ERBB4: variants seen among roughly 807,000 people sequenced by gnomAD.
ERBB4 encodes erb-b2 receptor tyrosine kinase 4, also known as receptor tyrosine-protein kinase erbB-4.
ERBB4 carries 42 observed loss-of-function variants against 158.0 expected under a neutral mutation model. That is an observed-to-expected ratio of 0.27 (90% CI 0.21 to 0.34). The LOEUF (loss-of-function observed/expected upper bound fraction) is 0.34, where lower values mean the gene tolerates loss of function less well. Among genes scored for constraint, ERBB4 ranks in the 10% least tolerant of loss-of-function variants. The pLI, the probability that ERBB4 is intolerant of heterozygous loss-of-function variation, is 1.00. For synonymous variants in ERBB4, 583 were observed against 558.7 expected (o/e 1.04, Z -0.61); for missense variants, 1,333 against 1,624.1 (o/e 0.82, Z 3.08).
rs187952092 is a variant in ERBB4, at chr2:211,814,571, A to G, written c.422-26412T>C. 1.2e-3 allele frequency among the ~76,000 whole-genome samples: 186 copies of G among 152,258 alleles called. 1 individual carries two copies. The highest frequency in any genetic ancestry group is 2.0e-3 in the Non-Finnish European group (134 of 68,000). On this transcript the variant is annotated intron_variant, in intron 3 of 27. Coordinates refer to ENST00000342788, the MANE Select transcript of ERBB4 (RefSeq NM_005235.3). ...CAGGGCCCAAATTACAGTCTTATTA[A>G]GGAACCTATTTAAACCAATAGAAAG...
intron 20 of ERBB4, among the ~76,000 whole-genome samples, chr2:211,461,506 T>TG (rs1349710811): frequency 2.0e-5 from 3 of 152,150 alleles, no homozygotes; most frequent in African/African-American, 7.2e-5. Flanking sequence ...GCAGAAGGGT[T>TG]GTTCCTTTTG....
chr2:212,466,328 G>T (rs1332896816), intron 1 of ERBB4, among the ~76,000 whole-genome samples: 5 of 152,092 alleles, frequency 3.3e-5, no homozygotes, highest in African/African-American at 1.2e-4. Context: ...AATATATGAA[G>T]GACCAACTTT....
intron 20 of ERBB4, among the ~76,000 whole-genome samples, chr2:211,485,699 C>T (rs1007544420): frequency 7.2e-6 from 1 of 139,332 alleles, no homozygotes; most frequent in Non-Finnish European, 1.5e-5. Flanking sequence ...TGTCGCACCC[C>T]AAACTCAGTG....
chr2:212,049,636 A>G (rs1383915638), intron 2 of ERBB4, among the ~76,000 whole-genome samples: 2 of 152,218 alleles, frequency 1.3e-5, no homozygotes, highest in African/African-American at 4.8e-5. Flanking sequence ...TTTAAATAAA[A>G]AGACACAATT....
Position 211,379,668 on chromosome 2 carries a change from T to C in ERBB4, c.*3947A>G, listed in dbSNP as rs1359195748. On this transcript the variant is annotated 3_prime_UTR_variant, in exon 28 of 28. Coordinates refer to ENST00000342788, the MANE Select transcript of ERBB4 (RefSeq NM_005235.3). ...ATAACCTAACTAAATCTACATCTTA[T>C]AGCATTATCGTGGTTCTGTCCAGTT... is the stretch of plus-strand genomic sequence containing the variant. 4.3e-6 allele frequency: 1 copy of C among 231,666 alleles called. No individual in the cohort carries two copies. The highest frequency in any genetic ancestry group is 8.5e-6 in the Non-Finnish European group (1 of 117,166). The allele number at this position is 231,666 out of a possible 1,614,324, so 14.4% of individuals were successfully genotyped here. A position where few individuals can be genotyped will look rare whatever the true frequency, so the allele number is the denominator to read the frequency against.
chr2:211,683,384 T>G (rs2072434475), intron 12 of ERBB4, among the ~76,000 whole-genome samples: 1 of 152,136 alleles, frequency 6.6e-6, no homozygotes, highest in African/African-American at 2.4e-5. Context: ...TAATCTCTTC[T>G]CCATTACTAT....
intron 18 of ERBB4, 31 bp downstream of exon 18, chr2:211,623,891 T>C: frequency 6.2e-7 from 1 of 1,612,154 alleles, no homozygotes; most frequent in East Asian, 2.2e-5. Flanking sequence ...AAACAAAACT[T>C]AACTAACGAT....
At chr2:211,400,171 C>CT (rs974087041) in intron 25 of ERBB4, among the ~76,000 whole-genome samples, 1 of 152,070 alleles carries the variant, frequency 6.6e-6, no homozygotes, top group Non-Finnish European at 1.5e-5. Flanking sequence ...AAAGTGTTCT[C>CT]TAAGCTTAGG....
At chr2:212,342,183 A>C (rs2088753796) in intron 1 of ERBB4, among the ~76,000 whole-genome samples, 1 of 152,166 alleles carries the variant, frequency 6.6e-6, no homozygotes, top group Non-Finnish European at 1.5e-5. Context: ...GCTTATATTA[A>C]AGAATTAAGA....
At chr2:211,712,323 T>C (rs553426291) in intron 8 of ERBB4, 147 bp from the exon 9 acceptor site, 1 of 802,726 alleles carries the variant, frequency 1.2e-6, no homozygotes, top group South Asian at 1.8e-5. Flanking sequence ...AGTAAAATAA[T>C]TATTCATTCG....
At chr2:211,776,689 GT>G (rs2075884603) in intron 4 of ERBB4, among the ~76,000 whole-genome samples, 1 of 152,186 alleles carries the variant, frequency 6.6e-6, no homozygotes, top group Admixed American at 6.5e-5. Flanking sequence ...ACAAATGGTT[GT>G]TTACAGTTCT....
intron 3 of ERBB4, among the ~76,000 whole-genome samples, chr2:211,896,397 T>C (rs1452338796): frequency 6.6e-6 from 1 of 152,174 alleles, no homozygotes. Context: ...CATTCATACT[T>C]AGTCCATCAT....
chr2:212,528,723 C>A (rs1171894392), intron 1 of ERBB4, among the ~76,000 whole-genome samples: 2 of 152,130 alleles, frequency 1.3e-5, no homozygotes, highest in Non-Finnish European at 2.9e-5. Flanking sequence ...TCTAGAAGTG[C>A]ATTTTCCCTG....
chr2:212,252,604 T>C (rs2106054236), intron 1 of ERBB4, among the ~76,000 whole-genome samples: 1 of 152,168 alleles, frequency 6.6e-6, no homozygotes, highest in East Asian at 1.9e-4. Context: ...ACTTGTTTTT[T>C]CTTGGAAAGG....
At chr2:212,187,780 T>C (rs2082058788) in intron 1 of ERBB4, among the ~76,000 whole-genome samples, 1 of 152,102 alleles carries the variant, frequency 6.6e-6, no homozygotes, top group Admixed American at 6.6e-5. Flanking sequence ...GAAATAATGA[T>C]GCAAAATCAG....
At chr2:211,906,005 G>T (rs886105031) in intron 3 of ERBB4, among the ~76,000 whole-genome samples, 1 of 151,828 alleles carries the variant, frequency 6.6e-6, no homozygotes, top group Non-Finnish European at 1.5e-5. Flanking sequence ...AAAGATTAAA[G>T]TGTGAAGAAC....
intron 3 of ERBB4, among the ~76,000 whole-genome samples, chr2:211,838,768 C>T (rs544900618): frequency 3.2e-4 from 49 of 151,956 alleles, no homozygotes; most frequent in South Asian, 8.3e-4. Context: ...AACACAATAA[C>T]GGGTCTGTGA....
At chr2:212,512,324 G>GTATATA (rs139979390) in intron 1 of ERBB4, among the ~76,000 whole-genome samples, 10 of 148,400 alleles carry the variant, frequency 6.7e-5, no homozygotes, top group African/African-American at 2.5e-4. Context: ...TACATATTGA[G>GTATATA]TATATATATA....
chr2:212,488,886 G>C (rs1690119884), intron 1 of ERBB4, among the ~76,000 whole-genome samples: 1 of 149,912 alleles, frequency 6.7e-6, no homozygotes, highest in Non-Finnish European at 1.5e-5. Context: ...CCCTCAAACT[G>C]TAAGTCTCAG....
Sources: gnomAD v4.1 joint callset for allele counts (sites outside exome capture counted in the v4.1 genomes callset) on GRCh38, gnomAD v4.1.1 for gene constraint, MANE v1.5 for transcripts, NCBI Gene and HGNC (gene_info 2026-07-23, HGNC 2026-07-21) for gene names.